SERHL2: variants seen among roughly 807,000 people sequenced by gnomAD.
The protein encoded by SERHL2 is serine hydrolase-like protein 2.
In SERHL2, 29 loss-of-function variants were observed where a neutral mutation model predicts 25.5. The observed-to-expected ratio is 1.14, with a 90% confidence interval of 0.85 to 1.55. The LOEUF (loss-of-function observed/expected upper bound fraction) is 1.55. Among genes scored for constraint, SERHL2 ranks in the 40% most tolerant of loss-of-function variants. The pLI, the probability that SERHL2 is intolerant of heterozygous loss-of-function variation, is 0.00. For synonymous variants in SERHL2, 95 were observed against 103.5 expected (o/e 0.92, Z 0.50); for missense variants, 240 against 252.3 (o/e 0.95, Z 0.33).
chr22:42,562,400 G>C (rs1027405954), intron 8 of SERHL2, among the ~76,000 whole-genome samples: 1 of 151,804 alleles, frequency 6.6e-6, no homozygotes, highest in Non-Finnish European at 1.5e-5. Flanking sequence ...TCAAGGCCTC[G>C]GCAGGGCTGG....
At chr22:42,556,903 G>A (rs1403128511) in intron 6 of SERHL2, among the ~76,000 whole-genome samples, 52 of 73,736 alleles carry the variant, frequency 7.1e-4, no homozygotes, top group African/African-American at 3.5e-3. Flanking sequence ...GATGTTCTAG[G>A]GCACACAGCT....
Position 42,555,869 on chromosome 22 carries a change from C to T in SERHL2, c.328+164C>T, listed in dbSNP as rs1303059843. The T allele has an allele frequency of 2.4e-4, 40 of 164,334 alleles. 3 individuals are homozygous for T. Among genetic ancestry groups the T allele is most frequent in the Admixed American group, 9.4e-5 (1 of 10,586 alleles). 10.2% of individuals were successfully genotyped at this position (164,334 alleles called of 1,614,324 possible). A position where few individuals can be genotyped will look rare whatever the true frequency, so the allele number is the denominator to read the frequency against. ...GTACCCTCTGACCTCAGGCAACTGC[C>T]GCAAGGGACACAGGGATGAGGGAAA... On this transcript the variant is annotated intron_variant, in intron 4 of 11. Coordinates refer to ENST00000327678, the MANE Select transcript of SERHL2 (RefSeq NM_014509.5).
In SERHL2 at chr22:42,560,413, T is replaced by A. The variant is rs2146683344; in HGVS notation, c.613+148T>A. 3 of 651,820 alleles carry A rather than the reference T, an allele frequency of 4.6e-6. No individual in the cohort carries two copies. In the East Asian group the frequency reaches 8.2e-5, roughly 18 times the overall value. 40.4% of individuals were successfully genotyped at this position (651,820 alleles called of 1,614,324 possible). ...CCCTCCTGCCTCACCCTCATCCCAT[T>A]TAGAGCAGGAGAAACCAAGGCTCAG... On this transcript the variant is annotated intron_variant, in intron 8 of 11. Transcript: ENST00000327678.
intron 1 of SERHL2, 134 bp downstream of exon 1, chr22:42,554,176 TC>T (rs1313940528): frequency 1.8e-6 from 2 of 1,132,186 alleles, no homozygotes; most frequent in Admixed American, 4.2e-5. Flanking sequence ...TCCTCGGCAG[TC>T]CCGGGGCATG....
intron 10 of SERHL2, 103 bp downstream of exon 10, chr22:42,571,306 C>A (rs1445382680): frequency 1.3e-6 from 2 of 1,562,958 alleles, no homozygotes; most frequent in Middle Eastern, 1.7e-4. Flanking sequence ...CTCTGCGTGT[C>A]GACCACATCG....
chr22:42,567,588 C>A lies in SERHL2; in HGVS notation c.648+1250C>A, dbSNP rs12628680. Among the ~76,000 whole-genome samples, 46 of 150,994 alleles carry A rather than the reference C, an allele frequency of 3.0e-4. 2 individuals are homozygous for A. The highest frequency in any genetic ancestry group is 4.4e-5 in the Non-Finnish European group (3 of 67,852). Reference sequence around the variant, plus strand: ...CTGAGGCAGGAGAATGGCGTGAACCCGGGAAGCAGAGCTTGCAGTGAGCCG... The same window carrying A: ...CTGAGGCAGGAGAATGGCGTGAACCAGGGAAGCAGAGCTTGCAGTGAGCCG... On this transcript the variant is annotated intron_variant, in intron 9 of 11. Transcript: ENST00000327678.
intron 9 of SERHL2, 144 bp downstream of exon 9, chr22:42,566,482 G>C: frequency 1.3e-6 from 1 of 742,762 alleles, no homozygotes; most frequent in Non-Finnish European, 2.3e-6. Context: ...CGCTTGAATG[G>C]GAGGCAGAGG....
chr22:42,560,288 G>T (rs768357339), intron 8 of SERHL2, 23 bp downstream of exon 8: 4 of 1,549,406 alleles, frequency 2.6e-6, no homozygotes. Flanking sequence ...ACTGTCCAAG[G>T]CCATTTTATA....
At chr22:42,570,942 G>A (rs1924085605) in intron 9 of SERHL2, among the ~76,000 whole-genome samples, 179 bp from the exon 10 acceptor site, 1 of 151,994 alleles carries the variant, frequency 6.6e-6, no homozygotes, top group Non-Finnish European at 1.5e-5. Context: ...AGGAGTCTCT[G>A]GCCACCAGGG....
chr22:42,559,828 T>G (rs1168858202), intron 7 of SERHL2, among the ~76,000 whole-genome samples: 1 of 151,990 alleles, frequency 6.6e-6, no homozygotes. Context: ...GTTTTGTTTT[T>G]GGAGACCAAA....
At chr22:42,572,311 G>C in intron 10 of SERHL2, 125 bp from the exon 11 acceptor site, 1 of 649,332 alleles carries the variant, frequency 1.5e-6, no homozygotes, top group Non-Finnish European at 2.7e-6. Flanking sequence ...GGACCCAGCT[G>C]TGGGAGTTGG....
chr22:42,554,741 T>C (rs1922016225), intron 1 of SERHL2, among the ~76,000 whole-genome samples, 197 bp from the exon 2 acceptor site: 1 of 149,208 alleles, frequency 6.7e-6, no homozygotes, highest in South Asian at 2.1e-4. Context: ...CCGGCTTAAC[T>C]TCTCTGTCCC....
At chr22:42,571,228 G>A (rs1924136792) in intron 10 of SERHL2, 25 bp downstream of exon 10, 2 of 1,607,058 alleles carry the variant, frequency 1.2e-6, no homozygotes, top group South Asian at 2.2e-5. Flanking sequence ...ATCCCCTTCA[G>A]CCACCCGCCA....
At chr22:42,566,383 A>T (rs774687295) in intron 9 of SERHL2, 45 bp downstream of exon 9, 1 of 1,601,362 alleles carries the variant, frequency 6.2e-7, no homozygotes, top group Admixed American at 1.7e-5. Flanking sequence ...TTTGCCTGTT[A>T]GCGTCTTTGT....
chr22:42,573,595 G>A (rs1601866440), intron 11 of SERHL2: 1 of 258,550 alleles, frequency 3.9e-6, no homozygotes, highest in Non-Finnish European at 7.5e-6. Flanking sequence ...CAAGTCTGCA[G>A]GCTGTTCACG....
intron 8 of SERHL2, among the ~76,000 whole-genome samples, chr22:42,562,946 G>A (rs1336416040): frequency 6.6e-6 from 1 of 151,942 alleles, no homozygotes; most frequent in African/African-American, 2.4e-5. Flanking sequence ...TGTAATCCCA[G>A]CACTTTGGGA....
chr22:42,568,610 A>T (rs185695737), intron 9 of SERHL2, among the ~76,000 whole-genome samples: 1 of 152,114 alleles, frequency 6.6e-6, no homozygotes, highest in African/African-American at 2.4e-5. Context: ...TAAATTGCAG[A>T]AGATACACAT....
intron 9 of SERHL2, among the ~76,000 whole-genome samples, chr22:42,570,553 G>A (rs970103416): frequency 1.3e-5 from 2 of 152,170 alleles, no homozygotes; most frequent in Non-Finnish European, 2.9e-5. Flanking sequence ...CACACCTACA[G>A]CACATCTCAC....
chr22:42,560,315 C>G (rs1320660970), intron 8 of SERHL2, 50 bp downstream of exon 8: 3 of 1,398,352 alleles, frequency 2.1e-6, no homozygotes, highest in Non-Finnish European at 2.0e-6. Flanking sequence ...ACTATTCTTA[C>G]CGAGGATGTC....
Sources: allele counts gnomAD v4.1 joint callset (sites outside exome capture counted in the v4.1 genomes callset), GRCh38; gene constraint gnomAD v4.1.1; transcripts MANE v1.5; gene names NCBI Gene and HGNC (gene_info 2026-07-23, HGNC 2026-07-21).